Variants in WDFY3 observed in about 807,000 individuals in gnomAD.
WDFY3 encodes WD repeat and FYVE domain-containing protein 3.
WDFY3 carries 66 observed loss-of-function variants against 409.6 expected under a neutral mutation model. The observed-to-expected ratio is 0.16, with a 90% CI of 0.13 to 0.20. The LOEUF is 0.20. WDFY3 is among the 10% of genes least tolerant of loss of function. WDFY3 has a pLI of 1.00. For missense variants in WDFY3, 3,031 were observed against 4,298.1 expected, an observed-to-expected ratio of 0.71 and a Z score of 8.24; for synonymous variants, 1,521 against 1,537.1, an observed-to-expected ratio of 0.99 and a Z score of 0.25.
intron 56 of WDFY3, among the ~76,000 whole-genome samples, chr4:84,701,000 C>G (rs114337061): frequency 0.067 from 10,147 of 152,260 alleles, 495 homozygotes; most frequent in Admixed American, 0.13. Flanking sequence ...ATCCCAGCTA[C>G]TTGGGAGGCT....
intron 1 of WDFY3, among the ~76,000 whole-genome samples, chr4:84,953,280 G>A (rs1773837417): frequency 6.6e-6 from 1 of 151,728 alleles, no homozygotes; most frequent in Non-Finnish European, 1.5e-5. Flanking sequence ...CTAGTTATGA[G>A]GGTCACGGTT....
chr4:84,784,874 A>ATG (rs1747215283), intron 24 of WDFY3, among the ~76,000 whole-genome samples: 1 of 74,492 alleles, frequency 1.3e-5, no homozygotes, highest in Admixed American at 1.4e-4. Context: ...ATATATATAT[A>ATG]TATATATATA....
chr4:84,821,549 G>A lies in WDFY3; in HGVS notation c.1126C>T (p.His376Tyr). 1 of 1,596,162 alleles carries A rather than the reference G, an allele frequency of 6.3e-7. No individual in the cohort carries two copies. Among genetic ancestry groups the A allele is most frequent in the Non-Finnish European group, 8.5e-7 (1 of 1,173,052 alleles). ...AAGGCCTGGACGTTTCTCACACTGT[G>A]ACCTAGAACAGAAAAGAAAAACATA... ...FAVPQPAGKG[H>Y]SVRNVQAFAV... Residue 376 changes from histidine (H) to tyrosine (Y), a missense_variant and splice_region_variant, in exon 11 of 68, where the codon CAC (histidine) becomes TAC (tyrosine). By Grantham distance (83) the His-to-Tyr change is moderately conservative. Coordinates refer to ENST00000295888, the MANE Select transcript of WDFY3 (RefSeq NM_014991.6).
intron 13 of WDFY3, among the ~76,000 whole-genome samples, chr4:84,810,869 A>G (rs138222721): frequency 6.6e-6 from 1 of 152,358 alleles, no homozygotes; most frequent in East Asian, 1.9e-4. Flanking sequence ...TTGCAAAATG[A>G]ACTGAAGCCT....
At chr4:84,800,181 A>T (rs1229625413) in intron 17 of WDFY3, among the ~76,000 whole-genome samples, 2 of 152,212 alleles carry the variant, frequency 1.3e-5, no homozygotes, top group African/African-American at 4.8e-5. Flanking sequence ...CATTTAACAA[A>T]TGTTTACTGC....
At chr4:84,921,534 C>A (rs1769273022) in intron 2 of WDFY3, among the ~76,000 whole-genome samples, 1 of 149,850 alleles carries the variant, frequency 6.7e-6, no homozygotes, top group African/African-American at 2.5e-5. Context: ...TTTTATATGT[C>A]TTTATCAATA....
At chr4:84,771,840 A>C (rs1268710587) in intron 30 of WDFY3, among the ~76,000 whole-genome samples, 2 of 152,238 alleles carry the variant, frequency 1.3e-5, no homozygotes, top group East Asian at 3.8e-4. Flanking sequence ...TATCAGCATC[A>C]TTCTAAATGA....
At chr4:84,774,439 C>A (rs768551358) in intron 29 of WDFY3, among the ~76,000 whole-genome samples, 12 of 152,166 alleles carry the variant, frequency 7.9e-5, no homozygotes, top group Admixed American at 2.6e-4. Flanking sequence ...TAAAAAATAG[C>A]GGTGGCACAC....
At chr4:84,786,498 A>C (rs1002480612) in intron 23 of WDFY3, among the ~76,000 whole-genome samples, 4 of 152,168 alleles carry the variant, frequency 2.6e-5, no homozygotes, top group Non-Finnish European at 5.9e-5. Context: ...GCCATGTAGC[A>C]CTATGTCCCC....
chr4:84,766,159 T>C, intron 31 of WDFY3, 93 bp downstream of exon 31: 1 of 1,491,116 alleles, frequency 6.7e-7, no homozygotes. Context: ...TAAAAAAATC[T>C]ATTTAAAGTC....
Position 84,706,938 on chromosome 4 carries a change from CT to C in WDFY3, c.8218-1428del, listed in dbSNP as rs1229485318. ...ATAATTTTATTATTTATTTTTACTTCTTTTTTTTTTTTTTTTTTGAGACAGC... is the reference window on the plus strand; with the variant it reads ...ATAATTTTATTATTTATTTTTACTTCTTTTTTTTTTTTTTTTTGAGACAGC... On this transcript the variant is annotated intron_variant, in intron 53 of 67. Coordinates refer to ENST00000295888, the MANE Select transcript of WDFY3 (RefSeq NM_014991.6). 4.8e-3 allele frequency among the ~76,000 whole-genome samples: 644 copies of C among 134,816 alleles called. 4 individuals carry two copies. The highest frequency in any genetic ancestry group is 0.011 in the African/African-American group (377 of 35,864). 88.4% of individuals were successfully genotyped at this position (134,816 alleles called of 152,430 possible).
chr4:84,943,704 A>AAAAAC (rs1172044594), intron 1 of WDFY3, among the ~76,000 whole-genome samples: 3 of 152,180 alleles, frequency 2.0e-5, no homozygotes, highest in South Asian at 2.1e-4. Flanking sequence ...AAATTTATTG[A>AAAAAC]AAAACAAAAC....
intron 24 of WDFY3, among the ~76,000 whole-genome samples, chr4:84,785,025 C>T (rs1747305435): frequency 6.6e-6 from 1 of 151,612 alleles, no homozygotes; most frequent in Non-Finnish European, 1.5e-5. Context: ...GGCCTCATAA[C>T]TTGTCTCTCT....
intron 3 of WDFY3, among the ~76,000 whole-genome samples, chr4:84,882,915 C>T (rs1463444848): frequency 6.6e-6 from 1 of 151,972 alleles, no homozygotes; most frequent in Non-Finnish European, 1.5e-5. Flanking sequence ...ACTACGTTGC[C>T]CAGGTTGGTG....
At chr4:84,811,783 A>T (rs1752533267) in intron 13 of WDFY3, among the ~76,000 whole-genome samples, 1 of 152,200 alleles carries the variant, frequency 6.6e-6, no homozygotes, top group Admixed American at 6.5e-5. Context: ...GGCTACATAC[A>T]GGTTGAATAT....
chr4:84,939,225 G>A (rs980328070), intron 1 of WDFY3, among the ~76,000 whole-genome samples: 6 of 152,004 alleles, frequency 3.9e-5, no homozygotes, highest in African/African-American at 7.2e-5. Context: ...TGCACTTGTC[G>A]AATGTTTCCT....
chr4:84,870,059 G>A (rs1212057508), intron 3 of WDFY3, among the ~76,000 whole-genome samples: 2 of 152,060 alleles, frequency 1.3e-5, no homozygotes, highest in African/African-American at 4.8e-5. Flanking sequence ...GTGAATTACC[G>A]CATTATGTTA....
intron 53 of WDFY3, among the ~76,000 whole-genome samples, chr4:84,708,315 C>T (rs947152829): frequency 6.6e-6 from 1 of 152,140 alleles, no homozygotes; most frequent in African/African-American, 2.4e-5. Flanking sequence ...CTTCAAACTA[C>T]ACAGATGGAT....
At chr4:84,965,048 A>AT (rs954229578) in intron 1 of WDFY3, among the ~76,000 whole-genome samples, 1 of 152,008 alleles carries the variant, frequency 6.6e-6, no homozygotes, top group Non-Finnish European at 1.5e-5. Context: ...ATAAAGTTTT[A>AT]TTTTTTTTAA....
Sources: allele counts gnomAD v4.1 joint callset (sites outside exome capture counted in the v4.1 genomes callset), GRCh38; gene constraint gnomAD v4.1.1; transcripts MANE v1.5; gene names NCBI Gene and HGNC (gene_info 2026-07-23, HGNC 2026-07-21).